CABIN1: variants seen among roughly 807,000 people sequenced by gnomAD.
CABIN1 encodes calcineurin binding protein 1.
CABIN1 carries 133 observed loss-of-function variants against 227.7 expected under a neutral mutation model. The ratio of observed to expected loss-of-function variants is 0.58; its 90% CI spans 0.51 to 0.67. The LOEUF (loss-of-function observed/expected upper bound fraction) is 0.67, where lower values mean the gene tolerates loss of function less well. Ranked by LOEUF, CABIN1 falls within the 30% of genes least tolerant of loss-of-function variation. The pLI is 0.00. For missense variants in CABIN1, 2,408 were observed against 2,852.5 expected (o/e 0.84, Z 3.55); for synonymous variants, 1,086 against 1,155.1 (o/e 0.94, Z 1.21).
At chr22:24,110,060 A>T (rs1200513073) in intron 26 of CABIN1, among the ~76,000 whole-genome samples, 1 of 152,104 alleles carries the variant, frequency 6.6e-6, no homozygotes, top group African/African-American at 2.4e-5. Flanking sequence ...AGTCCCAGCT[A>T]CTCAGGAGGC....
intron 16 of CABIN1, among the ~76,000 whole-genome samples, chr22:24,067,660 G>C (rs1387524389): frequency 6.6e-6 from 1 of 152,220 alleles, no homozygotes; most frequent in Non-Finnish European, 1.5e-5. Context: ...CTGTGCTTCT[G>C]TTCCTCAGGA....
chr22:24,030,291 A>G (rs1463683795), intron 1 of CABIN1, among the ~76,000 whole-genome samples: 1 of 152,172 alleles, frequency 6.6e-6, no homozygotes, highest in East Asian at 1.9e-4. Context: ...TTGCTGTGCT[A>G]GAAAGAGTAC....
chr22:24,084,240 A>ATT (rs987224344), intron 20 of CABIN1, among the ~76,000 whole-genome samples: 2 of 140,664 alleles, frequency 1.4e-5, no homozygotes, highest in African/African-American at 5.2e-5. Context: ...GGGCATGCAG[A>ATT]TTTTTTTTTT....
At chr22:24,028,245 G>A (rs557128623) in intron 1 of CABIN1, among the ~76,000 whole-genome samples, 2 of 152,306 alleles carry the variant, frequency 1.3e-5, no homozygotes, top group East Asian at 3.9e-4. Flanking sequence ...TCTTGACAAA[G>A]GGCTGCCACA....
rs201423068 is a variant in CABIN1, at chr22:24,022,749, T to TA, written c.-75+11389dup. Among the ~76,000 whole-genome samples, 1,041 of 152,314 alleles carry TA rather than the reference T, an allele frequency of 6.8e-3. 12 individuals are homozygous for TA. The highest frequency in any genetic ancestry group is 0.023 in the African/African-American group (972 of 41,574). ...GCTCTGTGTTGGCATTATCAGTTTT[T>TA]AAAAAAATACAGCTATTTTAATAGG... On this transcript the variant is annotated intron_variant, in intron 1 of 36. Coordinates refer to ENST00000263119, the MANE Select transcript of CABIN1 (RefSeq NM_012295.4).
At chr22:24,082,542 T>C (rs1238618233) in intron 19 of CABIN1, among the ~76,000 whole-genome samples, 5 of 152,268 alleles carry the variant, frequency 3.3e-5, no homozygotes, top group Admixed American at 3.3e-4. Context: ...GGATGTGGTA[T>C]GTATTATATC....
chr22:24,176,811 C>T lies in CABIN1; in HGVS notation c.6205+536C>T, dbSNP rs117630846. ...CCAGCCAGACCCCTTGGGGACTCCT[C>T]CTGGCCTGGGCCTCCCACAGACCAC... On this transcript the variant is annotated intron_variant, in intron 35 of 36. Transcript: ENST00000263119. Among the ~76,000 whole-genome samples the T allele has an allele frequency of 1.3e-3, 192 of 152,362 alleles. 3 individuals carry two copies. The East Asian group carries it at 0.034, about 27-fold the overall frequency.
chr22:24,061,277 T>A (rs1441732295), intron 12 of CABIN1, among the ~76,000 whole-genome samples: 3 of 152,156 alleles, frequency 2.0e-5, no homozygotes, highest in African/African-American at 7.2e-5. Flanking sequence ...CTTACTCCTG[T>A]TGGAGGTGGG....
Position 24,050,737 on chromosome 22 carries a change from T to A in CABIN1, c.657-88T>A, listed in dbSNP as rs965785919. ...GAAGAAAAATACACATTAAAAGGTATTAACCTAAATGCATTTTTGTGTGTA... is the reference window on the plus strand; with the variant it reads ...GAAGAAAAATACACATTAAAAGGTAATAACCTAAATGCATTTTTGTGTGTA... On this transcript the variant is annotated intron_variant, in intron 7 of 36. Transcript: ENST00000263119. 5 of 1,507,448 alleles carry A rather than the reference T, an allele frequency of 3.3e-6. No homozygotes were observed. The African/African-American group carries it at 5.5e-5, about 17-fold the overall frequency. The allele number at this position is 1,507,448 out of a possible 1,614,324, so 93.4% of individuals were successfully genotyped here.
intron 29 of CABIN1, among the ~76,000 whole-genome samples, chr22:24,157,552 T>C (rs1049577238): frequency 4.6e-5 from 7 of 151,996 alleles, no homozygotes; most frequent in Non-Finnish European, 1.0e-4. Context: ...CCCAGCAAGG[T>C]GTAAGTGAAA....
intron 19 of CABIN1, among the ~76,000 whole-genome samples, chr22:24,077,311 T>A (rs1267994838): frequency 6.6e-6 from 1 of 152,176 alleles, no homozygotes; most frequent in Non-Finnish European, 1.5e-5. Context: ...TTTGCTAGTT[T>A]TGTTCACTGC....
At position 24,166,820 on chromosome 22, in the gene CABIN1, A is replaced by C. The variant is rs1602458877; in HGVS notation, c.5189A>C (p.His1730Pro). ...GGAGGCAAAGTGGGCCTCCTCAACC[A>C]CCGGCCTGTGGCCATGGATGCAGGA... ...EPGGKVGLLN[H>P]RPVAMDAGDS... Residue 1730 changes from histidine (H) to proline (P), a missense_variant, in exon 32 of 37, where the codon CAC becomes CCC. Around this residue, in one of 3 missense-constraint regions of CABIN1, gnomAD observed 714 missense variants for 773.8 expected, o/e 0.92. Transcript: ENST00000263119. 6.2e-7 allele frequency: 1 copy of C among 1,612,972 alleles called. No homozygotes were observed. Among genetic ancestry groups the C allele is most frequent in the Non-Finnish European group, 8.5e-7 (1 of 1,179,942 alleles).
chr22:24,077,560 G>A (rs922600627), intron 19 of CABIN1, among the ~76,000 whole-genome samples: 4 of 152,144 alleles, frequency 2.6e-5, no homozygotes, highest in Admixed American at 6.6e-5. Flanking sequence ...CCCCTACCCC[G>A]TGAGCTCTGA....
At chr22:24,037,429 A>G (rs924910696) in intron 3 of CABIN1, among the ~76,000 whole-genome samples, 2 of 151,890 alleles carry the variant, frequency 1.3e-5, no homozygotes, top group African/African-American at 4.8e-5. Flanking sequence ...CAGCCTCCTG[A>G]GTAGTTTAGG....
At chr22:24,116,106 C>T (rs1481681149) in intron 27 of CABIN1, among the ~76,000 whole-genome samples, 1 of 152,182 alleles carries the variant, frequency 6.6e-6, no homozygotes, top group Admixed American at 6.5e-5. Context: ...CTGGCCTTGA[C>T]CGAGGTGCCT....
At position 24,060,098 on chromosome 22, in the gene CABIN1, T is replaced by C. The variant is rs1174461100; in HGVS notation, c.1574T>C (p.Leu525Pro). The change falls in exon 12 of 37, where the codon CTG becomes CCG. Residue 525 changes from leucine to proline, a missense_variant. Physicochemically the swap from Leu to Pro is moderately conservative, Grantham distance 98. Around this residue, in one of 3 missense-constraint regions of CABIN1, gnomAD observed 1,045 missense variants for 1,168.4 expected, o/e 0.89. Transcript: ENST00000263119. ...YHSWRRHSTS[L>P]PNPLLRDCSN... ...AGCTGGAGGAGGCACAGCACCAGCCTGCCCAACCCGCTGCTGAGGGACTGC... is the reference window on the plus strand; with the variant it reads ...AGCTGGAGGAGGCACAGCACCAGCCCGCCCAACCCGCTGCTGAGGGACTGC... The C allele has an allele frequency of 6.2e-7, 1 of 1,613,866 alleles. No homozygotes were observed. The highest frequency in any genetic ancestry group is 1.3e-5 in the African/African-American group (1 of 74,890).
At chr22:24,170,363 C>T (rs976416767) in intron 33 of CABIN1, among the ~76,000 whole-genome samples, 2 of 152,226 alleles carry the variant, frequency 1.3e-5, no homozygotes, top group African/African-American at 4.8e-5. Context: ...GCCATGGCAG[C>T]CCTGAACCCG....
chr22:24,041,100 C>T, intron 4 of CABIN1, 39 bp from the exon 5 acceptor site: 3 of 1,613,952 alleles, frequency 1.9e-6, no homozygotes, highest in South Asian at 2.2e-5. Flanking sequence ...GCTGAGGCTT[C>T]AAGGTCTAGT....
intron 6 of CABIN1, among the ~76,000 whole-genome samples, chr22:24,048,784 A>AT (rs1042768998): frequency 1.3e-5 from 2 of 151,978 alleles, no homozygotes; most frequent in Admixed American, 1.3e-4. Context: ...GCCCTGTTGG[A>AT]TTTTTGCAGT....
Sources: allele counts gnomAD v4.1 joint callset (sites outside exome capture counted in the v4.1 genomes callset), GRCh38; gene constraint gnomAD v4.1.1; regional missense constraint gnomAD v4.1.1; transcripts MANE v1.5; gene names NCBI Gene and HGNC (gene_info 2026-07-23, HGNC 2026-07-21).